Variants in CORO2B observed in about 807,000 individuals in gnomAD.
The protein encoded by CORO2B is coronin-2B.
A neutral mutation model predicts 58.8 loss-of-function variants in CORO2B; 26 were observed. The observed-to-expected ratio is 0.44, with a 90% CI of 0.32 to 0.61. CORO2B has a LOEUF of 0.61. CORO2B is among the 20% of genes least tolerant of loss of function. The probability of loss-of-function intolerance (pLI) is 0.04; values close to 1 mark genes in which losing one functional copy is unlikely to be tolerated. For synonymous variants in CORO2B, 242 were observed against 253.8 expected (o/e 0.95, Z 0.44); for missense variants, 460 against 645.1 (o/e 0.71, Z 3.11).
intron 2 of CORO2B, among the ~76,000 whole-genome samples, chr15:68,678,681 A>G (rs1902670127): frequency 6.6e-6 from 1 of 152,170 alleles, no homozygotes; most frequent in African/African-American, 2.4e-5. Flanking sequence ...TTCAAAAAAG[A>G]AAAAAGAAAA....
At chr15:68,717,450 G>T (rs981258586) in intron 8 of CORO2B, among the ~76,000 whole-genome samples, 1 of 152,178 alleles carries the variant, frequency 6.6e-6, no homozygotes, top group East Asian at 1.9e-4. Flanking sequence ...GAAGGAAGAC[G>T]GGGAGAACAG....
intron 10 of CORO2B, 65 bp downstream of exon 10, chr15:68,719,299 C>G (rs1893106458): frequency 1.3e-6 from 2 of 1,597,830 alleles, no homozygotes; most frequent in Non-Finnish European, 1.7e-6. Context: ...CGCAGCTCAC[C>G]CCAGTTCTCC....
chr15:68,629,563 G>A (rs1368747605), intron 1 of CORO2B, among the ~76,000 whole-genome samples: 1 of 152,172 alleles, frequency 6.6e-6, no homozygotes, highest in Non-Finnish European at 1.5e-5. Flanking sequence ...AACCAGGAGG[G>A]CCCAAACAAA....
At chr15:68,614,107 A>AT (rs1308438148) in intron 1 of CORO2B, among the ~76,000 whole-genome samples, 2 of 152,100 alleles carry the variant, frequency 1.3e-5, no homozygotes, top group Non-Finnish European at 2.9e-5. Context: ...TCTCACACAG[A>AT]CCTCCCGAAT....
At chr15:68,532,555 A>G in the CORO2B span, among the ~76,000 whole-genome samples, 1 of 152,206 alleles carries the variant, frequency 6.6e-6, no homozygotes, top group Non-Finnish European at 1.5e-5. Flanking sequence ...CATATTGAGC[A>G]GATTTACAAT....
At chr15:68,679,342 A>G (rs1185427182) in intron 2 of CORO2B, among the ~76,000 whole-genome samples, 1 of 152,192 alleles carries the variant, frequency 6.6e-6, no homozygotes, top group Non-Finnish European at 1.5e-5. Context: ...CTTTCTGAGC[A>G]CATGCACCGG....
At chr15:68,678,404 TG>T (rs1407310790) in intron 2 of CORO2B, among the ~76,000 whole-genome samples, 1 of 152,158 alleles carries the variant, frequency 6.6e-6, no homozygotes, top group Non-Finnish European at 1.5e-5. Context: ...CAGCAGGCGG[TG>T]GTTCACACCT....
At chr15:68,615,378 G>C (rs1039475108) in intron 1 of CORO2B, among the ~76,000 whole-genome samples, 1 of 152,208 alleles carries the variant, frequency 6.6e-6, no homozygotes, top group Non-Finnish European at 1.5e-5. Context: ...TGTGTAACCC[G>C]GGGGGCCTGG....
At chr15:68,698,071 C>T (rs1333084681) in intron 3 of CORO2B, among the ~76,000 whole-genome samples, 1 of 152,166 alleles carries the variant, frequency 6.6e-6, no homozygotes, top group Non-Finnish European at 1.5e-5. Flanking sequence ...GGGCCTTTCA[C>T]ATACATTTAG....
At chr15:68,683,696 C>A (rs1902868206) in intron 2 of CORO2B, among the ~76,000 whole-genome samples, 1 of 152,180 alleles carries the variant, frequency 6.6e-6, no homozygotes. Flanking sequence ...ATGTCACCAT[C>A]TCAGGACACA....
the CORO2B span, among the ~76,000 whole-genome samples, chr15:68,519,273 A>G: frequency 6.6e-6 from 1 of 152,232 alleles, no homozygotes; most frequent in African/African-American, 2.4e-5. Context: ...GCACACATGT[A>G]TAAGCATGTG....
chr15:68,711,848 C>A, intron 5 of CORO2B, 142 bp downstream of exon 5: 1 of 982,034 alleles, frequency 1.0e-6, no homozygotes, highest in Non-Finnish European at 1.5e-6. Context: ...ACCTTTCTCT[C>A]TCCTGGGCCC....
At chr15:68,671,169 C>T (rs959441617) in intron 2 of CORO2B, among the ~76,000 whole-genome samples, 47 of 152,210 alleles carry the variant, frequency 3.1e-4, no homozygotes, top group African/African-American at 9.2e-4. Context: ...GAACCACAAC[C>T]ACTCTCTCCA....
At chr15:68,689,416 T>C (rs774038795) in intron 2 of CORO2B, among the ~76,000 whole-genome samples, 2 of 152,102 alleles carry the variant, frequency 1.3e-5, no homozygotes, top group African/African-American at 4.8e-5. Context: ...CTTGACTCCA[T>C]AGAAGCTCAC....
the CORO2B span, among the ~76,000 whole-genome samples, chr15:68,564,589 G>A: frequency 3.9e-5 from 6 of 152,152 alleles, no homozygotes; most frequent in African/African-American, 1.4e-4. Context: ...CGGGATTACA[G>A]GCATGAGCCA....
intron 11 of CORO2B, among the ~76,000 whole-genome samples, 166 bp from the exon 12 acceptor site, chr15:68,725,675 GGA>G (rs2140339712): frequency 6.6e-6 from 1 of 152,064 alleles, no homozygotes; most frequent in East Asian, 1.9e-4. Flanking sequence ...GCTAGAGATG[GGA>G]GAGGTGCAAT....
intron 1 of CORO2B, among the ~76,000 whole-genome samples, chr15:68,610,487 A>T (rs970846992): frequency 6.6e-6 from 1 of 151,510 alleles, no homozygotes; most frequent in Non-Finnish European, 1.5e-5. Flanking sequence ...GGAACAACAG[A>T]CCCCTTGCTC....
At chr15:68,674,520 A>G (rs184819040) in intron 2 of CORO2B, among the ~76,000 whole-genome samples, 2 of 152,146 alleles carry the variant, frequency 1.3e-5, no homozygotes, top group African/African-American at 2.4e-5. Flanking sequence ...GGTGTCTGCA[A>G]ACCTGGGTGT....
At chr15:68,530,555 AG>A in the CORO2B span, among the ~76,000 whole-genome samples, 1 of 152,078 alleles carries the variant, frequency 6.6e-6, no homozygotes, top group Non-Finnish European at 1.5e-5. Flanking sequence ...AGTAATTGAG[AG>A]GGGTATGGAA....
Sources: gnomAD v4.1 joint callset for allele counts (sites outside exome capture counted in the v4.1 genomes callset) on GRCh38, gnomAD v4.1.1 for gene constraint, MANE v1.5 for transcripts, NCBI Gene and HGNC (gene_info 2026-07-23, HGNC 2026-07-21) for gene names.